The following MKLN1 variants were observed in gnomAD, a reference collection of about 807,000 sequenced individuals.
MKLN1 encodes the protein muskelin.
In MKLN1, 18 loss-of-function variants were observed where a neutral mutation model predicts 99.0. The observed-to-expected ratio is 0.18, with a 90% CI of 0.13 to 0.27. The LOEUF (loss-of-function observed/expected upper bound fraction) is 0.27, where lower values mean the gene tolerates loss of function less well. Among genes scored for constraint, MKLN1 ranks in the 10% least tolerant of loss-of-function variants. The pLI is 1.00. For missense variants in MKLN1, 621 were observed against 875.9 expected, an observed-to-expected ratio of 0.71 and a Z score of 3.67; for synonymous variants, 288 against 293.2, an observed-to-expected ratio of 0.98 and a Z score of 0.18.
At chr7:131,349,316 C>A (rs563343452) in intron 1 of MKLN1, among the ~76,000 whole-genome samples, 1 of 152,196 alleles carries the variant, frequency 6.6e-6, no homozygotes, top group Admixed American at 6.5e-5. Flanking sequence ...TTGCCTCAGC[C>A]TCCTGAGTAG....
At chr7:131,214,422 C>CTATG (rs1796949570) in intron 3 of MKLN1, among the ~76,000 whole-genome samples, 2 of 152,088 alleles carry the variant, frequency 1.3e-5, no homozygotes, top group Non-Finnish European at 2.9e-5. Context: ...CTTGCCCTTC[C>CTATG]TATGTTTGTA....
At chr7:131,475,348 A>G (rs1796934968) in intron 16 of MKLN1, among the ~76,000 whole-genome samples, 3 of 152,196 alleles carry the variant, frequency 2.0e-5, no homozygotes, top group Admixed American at 6.5e-5. Context: ...CAGAGATTGA[A>G]TTTGTAATAA....
intron 7 of MKLN1, 70 bp from the exon 8 acceptor site, chr7:131,414,575 A>C: frequency 9.3e-7 from 1 of 1,071,210 alleles, no homozygotes; most frequent in Admixed American, 2.2e-5. Flanking sequence ...TTACAGACTT[A>C]TGAATAAATT....
At chr7:131,272,235 G>A (rs1483654701) in intron 3 of MKLN1, among the ~76,000 whole-genome samples, 1 of 152,208 alleles carries the variant, frequency 6.6e-6, no homozygotes, top group Non-Finnish European at 1.5e-5. Flanking sequence ...CTTCTGTTGT[G>A]TTAATCTACT....
intron 6 of MKLN1, among the ~76,000 whole-genome samples, chr7:131,406,669 A>G (rs1299016567): frequency 2.0e-5 from 3 of 151,992 alleles, no homozygotes; most frequent in Admixed American, 6.6e-5. Flanking sequence ...AATTTCTTCT[A>G]TAATGCAGCT....
intron 2 of MKLN1, among the ~76,000 whole-genome samples, chr7:131,180,762 A>C (rs558912276): frequency 2.6e-5 from 4 of 151,958 alleles, no homozygotes; most frequent in Admixed American, 6.6e-5. Context: ...ATTCTAATTT[A>C]TTTCTTTCTT....
chr7:131,278,756 G>A (rs890096889), intron 3 of MKLN1, among the ~76,000 whole-genome samples: 1 of 151,470 alleles, frequency 6.6e-6, no homozygotes, highest in Non-Finnish European at 1.5e-5. Context: ...ACCATGCCCA[G>A]CTAATTTTTA....
chr7:131,132,402 G>A (rs992271885), intron 1 of MKLN1, among the ~76,000 whole-genome samples: 4 of 152,212 alleles, frequency 2.6e-5, no homozygotes, highest in Non-Finnish European at 2.9e-5. Context: ...TGGTTATCCA[G>A]AGGAGAGCAG....
intron 9 of MKLN1, among the ~76,000 whole-genome samples, chr7:131,436,365 A>T (rs1157473041): frequency 6.6e-6 from 1 of 152,182 alleles, no homozygotes. Flanking sequence ...GTCATTCATC[A>T]GGCTTTCTGT....
chr7:131,346,328 G>A (rs1319095986), intron 1 of MKLN1, among the ~76,000 whole-genome samples: 4 of 152,266 alleles, frequency 2.6e-5, no homozygotes, highest in African/African-American at 9.6e-5. Flanking sequence ...TTCGAGACCA[G>A]CCTGGCCAAC....
At chr7:131,158,667 A>T (rs781197345) in intron 2 of MKLN1, among the ~76,000 whole-genome samples, 2 of 152,048 alleles carry the variant, frequency 1.3e-5, no homozygotes, top group Non-Finnish European at 2.9e-5. Context: ...AAGTATTCTT[A>T]TTTTCTGTAT....
chr7:131,181,202 T>G (rs1266897020), intron 2 of MKLN1, among the ~76,000 whole-genome samples: 3 of 152,192 alleles, frequency 2.0e-5, no homozygotes, highest in African/African-American at 7.2e-5. Flanking sequence ...TCTTAGGTAT[T>G]TTCCCTCCAG....
At chr7:131,434,704 C>T (rs73153497) in intron 9 of MKLN1, among the ~76,000 whole-genome samples, 6,965 of 152,196 alleles carry the variant, frequency 0.046, 227 homozygotes, top group Non-Finnish European at 0.067. Context: ...CAGGCGCGTG[C>T]CTCCATGCCC....
intron 2 of MKLN1, among the ~76,000 whole-genome samples, chr7:131,193,561 A>C (rs1362320386): frequency 6.6e-6 from 1 of 152,010 alleles, no homozygotes; most frequent in African/African-American, 2.4e-5. Context: ...ATTTTAGTAG[A>C]GATGAGGTTT....
intron 1 of MKLN1, among the ~76,000 whole-genome samples, chr7:131,375,154 G>A (rs375850522): frequency 6.6e-6 from 1 of 151,994 alleles, no homozygotes; most frequent in Middle Eastern, 3.2e-3. Flanking sequence ...GTCACTTAGT[G>A]TAAAGTATTA....
chr7:131,355,896 C>G (rs10240947), intron 1 of MKLN1, among the ~76,000 whole-genome samples: 2,441 of 151,748 alleles, frequency 0.016, 46 homozygotes, highest in African/African-American at 0.053. Flanking sequence ...TTGGCATCTT[C>G]TAGTTGTATA....
chr7:131,344,755 A>G (rs2116739053), intron 1 of MKLN1, among the ~76,000 whole-genome samples: 1 of 152,312 alleles, frequency 6.6e-6, no homozygotes, highest in East Asian at 1.9e-4. Flanking sequence ...CAATTCTTTT[A>G]AACAAAATAA....
At chr7:131,242,862 T>G (rs547997238) in intron 3 of MKLN1, 1 of 664,792 alleles carries the variant, frequency 1.5e-6, no homozygotes, top group African/African-American at 1.8e-5. Context: ...GGATATCCCC[T>G]TGGACAAAAC....
At chr7:131,443,763 G>A in intron 11 of MKLN1, 61 bp downstream of exon 11, 1 of 1,240,210 alleles carries the variant, frequency 8.1e-7, no homozygotes, top group Non-Finnish European at 1.2e-6. Flanking sequence ...GATAGGAAAA[G>A]AAGTGGTGAA....
Sources: allele counts gnomAD v4.1 joint callset (sites outside exome capture counted in the v4.1 genomes callset), GRCh38; gene constraint gnomAD v4.1.1; transcripts MANE v1.5; gene names NCBI Gene and HGNC (gene_info 2026-07-23, HGNC 2026-07-21).